SGPL1: variants seen among roughly 807,000 people sequenced by gnomAD.
SGPL1 encodes sphingosine-1-phosphate lyase 1.
A neutral mutation model predicts 68.9 loss-of-function variants in SGPL1; 37 were observed. The observed-to-expected ratio is 0.54, with a 90% CI of 0.41 to 0.71. SGPL1 has a LOEUF of 0.71. Ranked by LOEUF, SGPL1 falls within the 30% of genes least tolerant of loss-of-function variation. The pLI, the probability that SGPL1 is intolerant of heterozygous loss-of-function variation, is 0.00. For missense variants in SGPL1, 551 were observed against 704.6 expected (o/e 0.78, Z 2.47); for synonymous variants, 236 against 248.5 (o/e 0.95, Z 0.47).
chr10:70,847,553 C>T (rs1845811530), intron 3 of SGPL1, among the ~76,000 whole-genome samples: 1 of 152,124 alleles, frequency 6.6e-6, no homozygotes, highest in East Asian at 1.9e-4. Context: ...AATCTTACTA[C>T]TGAAGGATAC....
intron 7 of SGPL1, among the ~76,000 whole-genome samples, chr10:70,862,613 C>G (rs886117985): frequency 8.5e-5 from 13 of 152,156 alleles, no homozygotes; most frequent in Non-Finnish European, 1.8e-4. Flanking sequence ...ACACTCACCA[C>G]GAAGGTCTGC....
intron 3 of SGPL1, among the ~76,000 whole-genome samples, chr10:70,850,080 T>C (rs746293130): frequency 1.6e-4 from 24 of 152,240 alleles, no homozygotes; most frequent in Non-Finnish European, 2.9e-5. Flanking sequence ...TCTATTTAGA[T>C]GCCATGTATT....
At chr10:70,843,199 T>C (rs895625482) in intron 2 of SGPL1, among the ~76,000 whole-genome samples, 15 of 152,336 alleles carry the variant, frequency 9.8e-5, no homozygotes, top group Middle Eastern at 3.4e-3. Context: ...GGCACTCATA[T>C]GCTTTTTGTG....
At chr10:70,821,777 G>A (rs1845341699) in intron 2 of SGPL1, among the ~76,000 whole-genome samples, 1 of 152,134 alleles carries the variant, frequency 6.6e-6, no homozygotes, top group Non-Finnish European at 1.5e-5. Flanking sequence ...GCTTTCATAT[G>A]GGTGGGGGAG....
At chr10:70,838,844 G>A (rs1845671033) in intron 2 of SGPL1, among the ~76,000 whole-genome samples, 1 of 152,158 alleles carries the variant, frequency 6.6e-6, no homozygotes, top group Admixed American at 6.5e-5. Context: ...GTTTCTACAT[G>A]TATTAGATTG....
chr10:70,830,453 G>A (rs892325517), intron 2 of SGPL1, among the ~76,000 whole-genome samples: 3 of 152,228 alleles, frequency 2.0e-5, no homozygotes, highest in East Asian at 1.9e-4. Flanking sequence ...TTAACCATTC[G>A]TTTAATGGTT....
intron 7 of SGPL1, 39 bp downstream of exon 7, chr10:70,859,538 T>A: frequency 1.6e-6 from 2 of 1,252,416 alleles, no homozygotes; most frequent in Non-Finnish European, 2.1e-6. Context: ...CCTTATTTTT[T>A]AGGTTAAAAT....
chr10:70,833,465 T>G (rs558654832), intron 2 of SGPL1, among the ~76,000 whole-genome samples: 5 of 152,324 alleles, frequency 3.3e-5, no homozygotes, highest in African/African-American at 9.6e-5. Context: ...TGTTGCTCAG[T>G]TCTTACTTCT....
rs1333186046 is a variant in SGPL1, at chr10:70,844,513, C to T, written c.68C>T (p.Ser23Phe). ...TACTTAGAGATTTTGGAAGTATACT[C>T]CACAAAAGCCAAGAATTATGTAAAT... Reference protein sequence around the residue: ...EPYLEILEVYSTKAKNYVNGH... With the variant: ...EPYLEILEVYFTKAKNYVNGH... The change falls in exon 3 of 15, where the codon TCC (serine) becomes TTC (phenylalanine). Residue 23 changes from serine (S) to phenylalanine (F), a missense_variant. By Grantham distance (155) the Ser-to-Phe change is radical. Transcript: ENST00000373202. The T allele has an allele frequency of 1.2e-6, 2 of 1,613,870 alleles. No homozygotes were observed. The highest frequency in any genetic ancestry group is 3.3e-5 in the Admixed American group (2 of 60,004).
intron 5 of SGPL1, among the ~76,000 whole-genome samples, chr10:70,855,892 T>C (rs1845955525): frequency 1.3e-5 from 2 of 152,198 alleles, no homozygotes; most frequent in Non-Finnish European, 2.9e-5. Context: ...CTATTTCTAG[T>C]TCATCAGGGT....
In SGPL1 at chr10:70,854,765, A is replaced by C. The variant is rs1318100687; in HGVS notation, c.319A>C (p.Lys107Gln). Residue 107 changes from lysine to glutamine, a missense_variant, in exon 5 of 15, where the codon AAA becomes CAA. Transcript: ENST00000373202. Reference protein sequence around the residue: ...DDISKNMSFLKVDKEYVKALP... With the variant: ...DDISKNMSFLQVDKEYVKALP... Reference sequence around the variant, plus strand: ...TATTAGCAAGAACATGTCATTCCTGAAAGTGGACAAAGAGTATGTGAAAGC... The same window carrying C: ...TATTAGCAAGAACATGTCATTCCTGCAAGTGGACAAAGAGTATGTGAAAGC... 6.2e-7 allele frequency: 1 copy of C among 1,613,836 alleles called. No individual in the cohort carries two copies. Among genetic ancestry groups the C allele is most frequent in the South Asian group, 1.1e-5 (1 of 91,034 alleles).
chr10:70,851,331 C>T, intron 4 of SGPL1, 121 bp downstream of exon 4: 1 of 803,338 alleles, frequency 1.2e-6, no homozygotes, highest in South Asian at 1.6e-5. Context: ...CTCCAGGGGA[C>T]ACTTGGCAGC....
rs775377317 is a variant in SGPL1, at chr10:70,878,501, T to G, written c.*1166T>G. On this transcript the variant is annotated 3_prime_UTR_variant, in exon 15 of 15. Coordinates refer to ENST00000373202, the MANE Select transcript of SGPL1 (RefSeq NM_003901.4). Reference sequence around the variant, plus strand: ...CCTGAACCCTATCCTGGGCTGGTGATGAGCAGAAATCAGACCTTTTTCTAT... The same window carrying G: ...CCTGAACCCTATCCTGGGCTGGTGAGGAGCAGAAATCAGACCTTTTTCTAT... The G allele has an allele frequency of 3.9e-5, 6 of 152,252 alleles. No homozygotes were observed. Among genetic ancestry groups the G allele is most frequent in the Admixed American group, 6.5e-5 (1 of 15,288 alleles). The allele number at this position is 152,252 out of a possible 1,614,324, so 9.4% of individuals were successfully genotyped here.
At chr10:70,829,134 T>A (rs1388609175) in intron 2 of SGPL1, among the ~76,000 whole-genome samples, 1 of 152,108 alleles carries the variant, frequency 6.6e-6, no homozygotes, top group African/African-American at 2.4e-5. Context: ...GAGTCAACAG[T>A]CTGTTTGGAT....
Position 70,839,496 on chromosome 10 carries a change from A to G in SGPL1, c.28-4977A>G, listed in dbSNP as rs540546229. On this transcript the variant is annotated intron_variant, in intron 2 of 14. Coordinates refer to ENST00000373202, the MANE Select transcript of SGPL1 (RefSeq NM_003901.4). ...CCCTTCCCTGCCCAGGCACACACAT[A>G]TACAGATACAGCTTATTTTATGACT... Among the ~76,000 whole-genome samples, 19 of 152,230 alleles carry G rather than the reference A, an allele frequency of 1.2e-4. No individual in the cohort carries two copies. In the South Asian group the frequency reaches 3.7e-3, roughly 30 times the overall value.
At chr10:70,842,747 T>C (rs1040576055) in intron 2 of SGPL1, among the ~76,000 whole-genome samples, 1 of 152,184 alleles carries the variant, frequency 6.6e-6, no homozygotes, top group East Asian at 1.9e-4. Context: ...GGGAATCACA[T>C]TTCAACATGA....
At chr10:70,821,975 A>G (rs1375278425) in intron 2 of SGPL1, among the ~76,000 whole-genome samples, 1 of 152,218 alleles carries the variant, frequency 6.6e-6, no homozygotes, top group African/African-American at 2.4e-5. Flanking sequence ...TTGATTTGCA[A>G]ACAGCAAGCT....
At chr10:70,860,608 T>TA in intron 7 of SGPL1, 1 of 367,866 alleles carries the variant, frequency 2.7e-6, no homozygotes. Flanking sequence ...ATAATGTACT[T>TA]ACAGTATATT....
intron 6 of SGPL1, among the ~76,000 whole-genome samples, chr10:70,858,657 G>T (rs1846001625): frequency 6.6e-6 from 1 of 152,194 alleles, no homozygotes; most frequent in African/African-American, 2.4e-5. Flanking sequence ...TTCTTATGCA[G>T]CAGAGAATAC....
Sources: gnomAD v4.1 joint callset for allele counts (sites outside exome capture counted in the v4.1 genomes callset) on GRCh38, gnomAD v4.1.1 for gene constraint, MANE v1.5 for transcripts, NCBI Gene and HGNC (gene_info 2026-07-23, HGNC 2026-07-21) for gene names.